The following SESN1 variants were observed in gnomAD, a reference collection of about 807,000 sequenced individuals.
SESN1 encodes the protein sestrin 1.
In SESN1, 30 loss-of-function variants were observed where a neutral mutation model predicts 59.3. The ratio of observed to expected loss-of-function variants is 0.51; its 90% confidence interval spans 0.38 to 0.69. The LOEUF (loss-of-function observed/expected upper bound fraction) is 0.69, where lower values mean the gene tolerates loss of function less well. Among genes scored for constraint, SESN1 ranks in the 30% least tolerant of loss-of-function variants. The pLI is 0.00. For synonymous variants in SESN1, 197 were observed against 219.9 expected, an observed-to-expected ratio of 0.90 and a Z score of 0.92; for missense variants, 566 against 673.0, an observed-to-expected ratio of 0.84 and a Z score of 1.76.
chr6:109,024,900 A>C (rs1780066034), intron 1 of SESN1, among the ~76,000 whole-genome samples: 1 of 152,240 alleles, frequency 6.6e-6, no homozygotes, highest in African/African-American at 2.4e-5. Context: ...CACAAATTGG[A>C]GACCTGTGTG....
intron 1 of SESN1, among the ~76,000 whole-genome samples, chr6:109,084,642 A>G (rs1781182376): frequency 1.3e-5 from 2 of 152,220 alleles, no homozygotes; most frequent in Non-Finnish European, 2.9e-5. Context: ...TTTATAATAA[A>G]TGAAAGAATG....
chr6:109,025,800 A>T (rs1401689209), intron 1 of SESN1, among the ~76,000 whole-genome samples: 2 of 152,102 alleles, frequency 1.3e-5, no homozygotes, highest in African/African-American at 4.8e-5. Flanking sequence ...AATGAAATTT[A>T]TGAGAGAGAA....
At chr6:109,088,447 C>A (rs932778855) in intron 1 of SESN1, among the ~76,000 whole-genome samples, 1 of 151,782 alleles carries the variant, frequency 6.6e-6, no homozygotes, top group Non-Finnish European at 1.5e-5. Context: ...AAATGTGCAT[C>A]CTACCCAGCA....
rs574679535 is a variant in SESN1, at chr6:108,985,612, A to G, written c.*1932T>C. Among the ~76,000 whole-genome samples the G allele has an allele frequency of 8.5e-5, 13 of 152,332 alleles. No individual in the cohort carries two copies. The highest frequency in any genetic ancestry group is 7.2e-4 in the Admixed American group (11 of 15,294). ...ATTAAAATTTTGATTTCAATTTCTAAGTGATTATAAGTTCCAGTGGACTAA... is the reference window on the plus strand; with the variant it reads ...ATTAAAATTTTGATTTCAATTTCTAGGTGATTATAAGTTCCAGTGGACTAA... On this transcript the variant is annotated 3_prime_UTR_variant, in exon 10 of 10. Transcript: ENST00000436639.
chr6:108,990,081 A>G (rs1779336207), intron 8 of SESN1, among the ~76,000 whole-genome samples: 2 of 152,254 alleles, frequency 1.3e-5, no homozygotes, highest in African/African-American at 4.8e-5. Flanking sequence ...ATAGTTAACT[A>G]GTAAGCACTG....
rs747544147 is a variant in SESN1, at chr6:108,992,769, T to A, written c.1233+18A>T. 6.8e-7 allele frequency: 1 copy of A among 1,467,462 alleles called. No homozygotes were observed. The highest frequency in any genetic ancestry group is 9.6e-7 in the Non-Finnish European group (1 of 1,046,384). 90.9% of individuals were successfully genotyped at this position (1,467,462 alleles called of 1,614,324 possible). On this transcript the variant is annotated intron_variant, in intron 7 of 9. Coordinates refer to ENST00000436639, the MANE Select transcript of SESN1 (RefSeq NM_014454.3). ...AGATATTTCTAGTCAATCATGTGCA[T>A]ACAAGTTGCAATTTTACCTGGACAC...
intron 6 of SESN1, 131 bp downstream of exon 6, chr6:108,994,331 G>T: frequency 1.6e-6 from 1 of 618,774 alleles, no homozygotes; most frequent in East Asian, 3.2e-5. Context: ...TTTGTAAATA[G>T]GAATACCTAT....
At chr6:108,994,657 A>G in intron 5 of SESN1, 48 bp from the exon 6 acceptor site, 1 of 1,333,462 alleles carries the variant, frequency 7.5e-7, no homozygotes, top group Non-Finnish European at 1.0e-6. Context: ...CATAGAATAT[A>G]TATGAATTAT....
intron 1 of SESN1, among the ~76,000 whole-genome samples, chr6:109,071,949 A>T (rs2114466666): frequency 6.6e-6 from 1 of 152,350 alleles, no homozygotes; most frequent in Non-Finnish European, 1.5e-5. Flanking sequence ...CTGATAAAAC[A>T]CGGGCTCTCT....
chr6:109,066,820 C>CTACA (rs1305702031), intron 1 of SESN1, among the ~76,000 whole-genome samples: 1 of 152,094 alleles, frequency 6.6e-6, no homozygotes, highest in Non-Finnish European at 1.5e-5. Flanking sequence ...TCGAGAGAGA[C>CTACA]TATGTAGAGA....
chr6:109,042,913 A>G (rs1189541264), intron 1 of SESN1, among the ~76,000 whole-genome samples: 3 of 152,132 alleles, frequency 2.0e-5, no homozygotes, highest in Non-Finnish European at 4.4e-5. Flanking sequence ...AAAGAAAAAT[A>G]CAGCCTCATG....
chr6:109,042,081 C>A (rs1780351886), intron 1 of SESN1, among the ~76,000 whole-genome samples: 1 of 151,986 alleles, frequency 6.6e-6, no homozygotes, highest in Non-Finnish European at 1.5e-5. Context: ...CATTTGCAAA[C>A]TAAACACCAC....
chr6:109,091,152 A>G (rs1369433356), intron 1 of SESN1, among the ~76,000 whole-genome samples: 1 of 152,204 alleles, frequency 6.6e-6, no homozygotes, highest in Non-Finnish European at 1.5e-5. Flanking sequence ...TCAAGGGTCA[A>G]TTGTAATTCT....
intron 1 of SESN1, chr6:109,009,461 G>T: frequency 7.7e-7 from 1 of 1,300,666 alleles, no homozygotes; most frequent in South Asian, 2.3e-5. Context: ...CCAAGCGCAT[G>T]TCGGCGCGGG....
intron 1 of SESN1, among the ~76,000 whole-genome samples, chr6:109,056,110 TAA>T (rs753280366): frequency 2.6e-5 from 4 of 152,146 alleles, no homozygotes; most frequent in Non-Finnish European, 4.4e-5. Context: ...ACCACACTTT[TAA>T]AAGAGTAATT....
intron 6 of SESN1, 130 bp downstream of exon 6, chr6:108,994,332 G>T: frequency 1.6e-6 from 1 of 620,554 alleles, no homozygotes; most frequent in South Asian, 3.3e-5. Context: ...TTGTAAATAG[G>T]AATACCTATG....
chr6:108,991,315 C>CACT (rs1479958842), intron 7 of SESN1, among the ~76,000 whole-genome samples: 6 of 152,144 alleles, frequency 3.9e-5, no homozygotes, highest in Non-Finnish European at 8.8e-5. Flanking sequence ...GATCACAGCT[C>CACT]ACTGCAGTCT....
At chr6:109,002,131 A>T (rs1779639057) in intron 2 of SESN1, 147 bp downstream of exon 2, 3 of 626,692 alleles carry the variant, frequency 4.8e-6, no homozygotes, top group Non-Finnish European at 5.7e-6. Context: ...TTATTCCCAC[A>T]GATTCACTGC....
chr6:109,019,749 G>A (rs1180065693), intron 1 of SESN1, among the ~76,000 whole-genome samples: 3 of 152,152 alleles, frequency 2.0e-5, no homozygotes, highest in Non-Finnish European at 4.4e-5. Context: ...TTGATATCCA[G>A]ATAATTTTTA....
Sources: gnomAD v4.1 joint callset for allele counts (sites outside exome capture counted in the v4.1 genomes callset) on GRCh38, gnomAD v4.1.1 for gene constraint, MANE v1.5 for transcripts, NCBI Gene and HGNC (gene_info 2026-07-23, HGNC 2026-07-21) for gene names.